Variants in SGCZ observed in about 807,000 individuals in gnomAD.
SGCZ encodes the protein zeta-sarcoglycan.
A neutral mutation model predicts 41.3 loss-of-function variants in SGCZ; 40 were observed. That is an observed-to-expected ratio of 0.97 (90% CI 0.75 to 1.26). The LOEUF (loss-of-function observed/expected upper bound fraction) is 1.26, where lower values mean the gene tolerates loss of function less well. SGCZ is among the 50% of genes most tolerant of loss of function. The pLI, the probability that SGCZ is intolerant of heterozygous loss-of-function variation, is 0.00. For synonymous variants in SGCZ, 206 were observed against 137.5 expected, an observed-to-expected ratio of 1.50 and a Z score of -3.49; for missense variants, 552 against 369.8, an observed-to-expected ratio of 1.49 and a Z score of -4.04.
intron 1 of SGCZ, among the ~76,000 whole-genome samples, chr8:14,608,290 G>A (rs1045212760): frequency 2.7e-5 from 4 of 150,486 alleles, no homozygotes; most frequent in Admixed American, 1.3e-4. Flanking sequence ...GTAAATACAA[G>A]TGTATTTGTT....
intron 1 of SGCZ, among the ~76,000 whole-genome samples, chr8:14,906,290 G>A (rs2130768895): frequency 6.6e-6 from 1 of 152,170 alleles, no homozygotes; most frequent in Non-Finnish European, 1.5e-5. Context: ...AATAATTCTT[G>A]AGACAATATG....
intron 1 of SGCZ, among the ~76,000 whole-genome samples, chr8:14,818,155 C>T (rs60466183): frequency 2.2e-3 from 342 of 152,276 alleles, no homozygotes; most frequent in African/African-American, 7.7e-3. Flanking sequence ...AATCTCCCAG[C>T]TGGTCACACT....
intron 1 of SGCZ, among the ~76,000 whole-genome samples, chr8:14,866,638 C>T (rs1045688229): frequency 2.0e-5 from 3 of 151,752 alleles, no homozygotes; most frequent in Non-Finnish European, 2.9e-5. Context: ...AGCAAAACAC[C>T]GCCTCTACAA....
intron 1 of SGCZ, among the ~76,000 whole-genome samples, chr8:14,978,470 CAAAAAAAAAAAAAAAAAAAAAAAA>C (rs59543494): frequency 1.6e-5 from 1 of 62,824 alleles, no homozygotes; most frequent in Non-Finnish European, 2.5e-5. Context: ...GACACCGTCA[CAAAAAAAAAAAAAAAAAAAAAAAA>C]AAAAAAAAAA....
chr8:14,205,649 G>C (rs1339318864), intron 4 of SGCZ, among the ~76,000 whole-genome samples: 3 of 151,988 alleles, frequency 2.0e-5, no homozygotes, highest in Admixed American at 6.6e-5. Flanking sequence ...ACCTTTGTTT[G>C]GGGTTTTGTT....
Position 15,237,896 on chromosome 8 carries a change from G to C in SGCZ, c.-273C>G. On this transcript the variant is annotated 5_prime_UTR_variant, in exon 1 of 8. Transcript: ENST00000382080. ...AACACAGCTGAGTCGATTGAAACAG[G>C]GGCCAAAAGAAAAAAGGAAAAAAAA... is the stretch of plus-strand genomic sequence containing the variant. 1 of 375,262 alleles carries C rather than the reference G, an allele frequency of 2.7e-6. No individual in the cohort carries two copies. Among genetic ancestry groups the C allele is most frequent in the East Asian group, 3.9e-5 (1 of 25,952 alleles). The allele number at this position is 375,262 out of a possible 1,614,324, so 23.2% of individuals were successfully genotyped here. A position where few individuals can be genotyped will look rare whatever the true frequency, so the allele number is the denominator to read the frequency against.
At chr8:14,919,620 TATCTATTAAAA>T in intron 1 of SGCZ, among the ~76,000 whole-genome samples, 1 of 152,098 alleles carries the variant, frequency 6.6e-6, no homozygotes, top group East Asian at 2.0e-4. Context: ...ACAGTAGTAC[TATCTATTAAAA>T]ATCAAGCTGG....
At chr8:14,860,346 T>G (rs1299993036) in intron 1 of SGCZ, among the ~76,000 whole-genome samples, 1 of 151,982 alleles carries the variant, frequency 6.6e-6, no homozygotes, top group Non-Finnish European at 1.5e-5. Flanking sequence ...CACCACCATC[T>G]AGTGTCTGGA....
chr8:14,138,324 A>T (rs1262365772), intron 5 of SGCZ, among the ~76,000 whole-genome samples: 1 of 152,132 alleles, frequency 6.6e-6, no homozygotes, highest in African/African-American at 2.4e-5. Context: ...AAATTCAAAC[A>T]TAACATAACA....
At chr8:14,269,478 A>G (rs1011419168) in intron 3 of SGCZ, among the ~76,000 whole-genome samples, 1 of 152,108 alleles carries the variant, frequency 6.6e-6, no homozygotes, top group Non-Finnish European at 1.5e-5. Context: ...TCAGAAATAT[A>G]TGCAGCCCTC....
chr8:14,701,321 C>G (rs1183209075), intron 1 of SGCZ, among the ~76,000 whole-genome samples: 1 of 151,870 alleles, frequency 6.6e-6, no homozygotes, highest in Non-Finnish European at 1.5e-5. Context: ...TAAAAATAAA[C>G]CATACTTTTA....
At chr8:14,297,186 G>C (rs890148844) in intron 3 of SGCZ, among the ~76,000 whole-genome samples, 10 of 152,076 alleles carry the variant, frequency 6.6e-5, no homozygotes, top group African/African-American at 1.2e-4. Flanking sequence ...GCCTCCAAAA[G>C]TGCTGGGATT....
rs1173092501 is a variant in SGCZ, at chr8:14,086,094, G to C, written c.*4349C>G. On this transcript the variant is annotated 3_prime_UTR_variant, in exon 8 of 8. Coordinates refer to ENST00000382080, the MANE Select transcript of SGCZ (RefSeq NM_139167.4). ...TTACTGTAATATACACCAGTACATA[G>C]AGCAAATAATTTCTCCATATGTCAT... Among the ~76,000 whole-genome samples the C allele has an allele frequency of 1.3e-5, 2 of 151,572 alleles. No homozygotes were observed. Among genetic ancestry groups the C allele is most frequent in the East Asian group, 1.9e-4 (1 of 5,154 alleles).
intron 1 of SGCZ, among the ~76,000 whole-genome samples, chr8:14,712,697 C>G (rs892459426): frequency 1.3e-5 from 2 of 152,124 alleles, no homozygotes; most frequent in Non-Finnish European, 2.9e-5. Context: ...ATAAAACGGT[C>G]TAATGTAGCC....
At position 14,554,873 on chromosome 8, in the gene SGCZ, A is replaced by G; in HGVS notation, c.93T>C (p.Thr31=). ...LATQQNNLPR[T]ENAQLYPVGI... is the part of the protein sequence containing the mutation. ...CCACTGGGTAAAGTTGTGCATTCTC[A>G]GTCCTTGGCAGGTTATTCTGTTGGG... is the stretch of plus-strand genomic sequence containing the variant. The change falls in exon 2 of 8, where the codon ACT becomes ACC. Residue 31 remains threonine (T), a synonymous_variant. Coordinates refer to ENST00000382080, the MANE Select transcript of SGCZ (RefSeq NM_139167.4). 6.2e-7 allele frequency: 1 copy of G among 1,613,190 alleles called. No homozygotes were observed. The highest frequency in any genetic ancestry group is 8.5e-7 in the Non-Finnish European group (1 of 1,179,490).
At chr8:14,525,546 T>A (rs1289021171) in intron 2 of SGCZ, among the ~76,000 whole-genome samples, 1 of 152,146 alleles carries the variant, frequency 6.6e-6, no homozygotes, top group African/African-American at 2.4e-5. Context: ...TGAGAAAGAT[T>A]ATATATTTCT....
intron 2 of SGCZ, among the ~76,000 whole-genome samples, chr8:14,497,011 C>T (rs1488831729): frequency 6.6e-6 from 1 of 152,094 alleles, no homozygotes; most frequent in African/African-American, 2.4e-5. Flanking sequence ...CACATTTTCC[C>T]CTATGCAGTC....
At chr8:14,923,540 A>G (rs1345447670) in intron 1 of SGCZ, among the ~76,000 whole-genome samples, 1 of 152,124 alleles carries the variant, frequency 6.6e-6, no homozygotes, top group East Asian at 1.9e-4. Flanking sequence ...GGACACATAT[A>G]TTCATGGTGT....
intron 1 of SGCZ, among the ~76,000 whole-genome samples, chr8:14,580,211 G>A (rs1285386233): frequency 6.6e-6 from 1 of 152,142 alleles, no homozygotes; most frequent in Non-Finnish European, 1.5e-5. Context: ...CAGTAGAACA[G>A]GAATACACAG....
Sources: gnomAD v4.1 joint callset for allele counts (sites outside exome capture counted in the v4.1 genomes callset) on GRCh38, gnomAD v4.1.1 for gene constraint, MANE v1.5 for transcripts, NCBI Gene and HGNC (gene_info 2026-07-23, HGNC 2026-07-21) for gene names.